The following MAGI1 variants were observed in gnomAD, a reference collection of about 807,000 sequenced individuals.
The protein encoded by MAGI1 is membrane-associated guanylate kinase, WW and PDZ domain-containing protein 1.
A neutral mutation model predicts 139.9 loss-of-function variants in MAGI1; 58 were observed. That is an observed-to-expected ratio of 0.41 (90% confidence interval 0.34 to 0.52). The LOEUF (loss-of-function observed/expected upper bound fraction) is 0.52, where lower values mean the gene tolerates loss of function less well. Ranked by LOEUF, MAGI1 falls within the 20% of genes least tolerant of loss-of-function variation. The probability of loss-of-function intolerance (pLI) is 0.12; values close to 1 mark genes in which losing one functional copy is unlikely to be tolerated. For missense variants in MAGI1, 1,874 were observed against 1,901.6 expected (o/e 0.99, Z 0.27); for synonymous variants, 812 against 737.9 (o/e 1.10, Z -1.63).
intron 1 of MAGI1, among the ~76,000 whole-genome samples, chr3:65,772,594 C>T (rs1311596240): frequency 1.3e-5 from 2 of 152,228 alleles, no homozygotes; most frequent in African/African-American, 4.8e-5. Context: ...GGAGCTGCCA[C>T]ATGGAGAACA....
In MAGI1 at chr3:65,788,460, A is replaced by G. The variant is rs568800131; in HGVS notation, c.314-166372T>C. Among the ~76,000 whole-genome samples, 18 of 152,242 alleles carry G rather than the reference A, an allele frequency of 1.2e-4. No homozygotes were observed. The South Asian group carries it at 1.9e-3, about 16-fold the overall frequency. ...ACCTACATTATGACCACTTTCCCCT[A>G]TGCATTTTAGATTATTCATTTCAAG... is the stretch of plus-strand genomic sequence containing the variant. On this transcript the variant is annotated intron_variant, in intron 1 of 22. Coordinates refer to ENST00000402939, the MANE Select transcript of MAGI1 (RefSeq NM_001033057.2).
At chr3:65,364,115 G>A (rs1275944886) in intron 20 of MAGI1, among the ~76,000 whole-genome samples, 1 of 143,860 alleles carries the variant, frequency 7.0e-6, no homozygotes, top group Non-Finnish European at 1.5e-5. Flanking sequence ...GATTGCTTGA[G>A]CCCAGGAGTT....
intron 2 of MAGI1, chr3:65,549,307 T>G: frequency 2.0e-6 from 1 of 501,762 alleles, no homozygotes; most frequent in Non-Finnish European, 2.6e-6. Context: ...CTTTCCGTCT[T>G]CCCTCTTCCT....
At chr3:65,439,796 T>A in intron 9 of MAGI1, 83 bp downstream of exon 9, 4 of 1,595,648 alleles carry the variant, frequency 2.5e-6, no homozygotes, top group Non-Finnish European at 3.4e-6. Context: ...TCGAGGCCAG[T>A]TCTGACCACA....
At chr3:66,035,489 A>T (rs181822238) in intron 1 of MAGI1, among the ~76,000 whole-genome samples, 115 of 152,336 alleles carry the variant, frequency 7.5e-4, no homozygotes, top group Middle Eastern at 6.8e-3. Context: ...CATATTCTCA[A>T]CATGGAAGAG....
intron 1 of MAGI1, among the ~76,000 whole-genome samples, chr3:65,655,484 G>A (rs2085823693): frequency 6.6e-6 from 1 of 152,066 alleles, no homozygotes; most frequent in African/African-American, 2.4e-5. Flanking sequence ...TTCCACTGAT[G>A]GTACAATGGA....
intron 1 of MAGI1, among the ~76,000 whole-genome samples, chr3:65,924,262 A>G (rs1035340691): frequency 1.3e-5 from 2 of 152,208 alleles, no homozygotes; most frequent in African/African-American, 4.8e-5. Context: ...CCCTATTCAA[A>G]CCTGTCTTTC....
intron 1 of MAGI1, among the ~76,000 whole-genome samples, chr3:65,665,532 A>C (rs148054065): frequency 9.6e-4 from 147 of 152,364 alleles, no homozygotes; most frequent in Non-Finnish European, 1.8e-3. Flanking sequence ...TGAACATTAA[A>C]GTGTCATTAA....
intron 2 of MAGI1, chr3:65,498,948 A>C (rs1423540286): frequency 2.1e-6 from 2 of 949,122 alleles, no homozygotes; most frequent in Non-Finnish European, 2.5e-6. Context: ...TGCCTTCATT[A>C]CACTACATCC....
intron 2 of MAGI1, among the ~76,000 whole-genome samples, chr3:65,591,674 T>C (rs1266827023): frequency 6.6e-6 from 1 of 152,188 alleles, no homozygotes; most frequent in African/African-American, 2.4e-5. Flanking sequence ...TAATCTGTCA[T>C]TCTTCCTTAT....
At position 65,644,825 on chromosome 3, in the gene MAGI1, T is replaced by C. The variant is rs189501517; in HGVS notation, c.314-22737A>G. The stretch of plus-strand genomic sequence containing the variant: ...CAGCCTGGCCAACTTGGCAAAACTC[T>C]ATCTCTACCATAAATACAAAAATTA... On this transcript the variant is annotated intron_variant, in intron 1 of 22. Coordinates refer to ENST00000402939, the MANE Select transcript of MAGI1 (RefSeq NM_001033057.2). Among the ~76,000 whole-genome samples, 588 of 151,986 alleles carry C rather than the reference T, an allele frequency of 3.9e-3. 6 individuals carry two copies. The highest frequency in any genetic ancestry group is 0.014 in the African/African-American group (565 of 41,482).
chr3:65,646,639 C>T (rs1310619396), intron 1 of MAGI1, among the ~76,000 whole-genome samples: 2 of 151,626 alleles, frequency 1.3e-5, no homozygotes, highest in Non-Finnish European at 2.9e-5. Flanking sequence ...CAAGATTGAC[C>T]GTGTTGTGTA....
intron 1 of MAGI1, among the ~76,000 whole-genome samples, chr3:65,634,831 A>G (rs1415128403): frequency 1.3e-5 from 2 of 152,190 alleles, no homozygotes; most frequent in Admixed American, 1.3e-4. Flanking sequence ...ATAAGTGACA[A>G]CTGCATCATG....
intron 1 of MAGI1, among the ~76,000 whole-genome samples, chr3:65,885,643 G>A (rs2060499898): frequency 1.3e-5 from 2 of 152,068 alleles, no homozygotes; most frequent in African/African-American, 4.8e-5. Flanking sequence ...CATGAGATCT[G>A]ACGGTTTTAT....
At chr3:65,475,849 C>T (rs1385317806) in intron 4 of MAGI1, among the ~76,000 whole-genome samples, 3 of 151,972 alleles carry the variant, frequency 2.0e-5, no homozygotes, top group East Asian at 1.9e-4. Context: ...ACAGTCCCAA[C>T]GTTACTTAGG....
chr3:65,422,205 C>A (rs1451987935), intron 12 of MAGI1, among the ~76,000 whole-genome samples: 2 of 152,268 alleles, frequency 1.3e-5, no homozygotes, highest in Middle Eastern at 3.4e-3. Flanking sequence ...GACAGATGGA[C>A]TGAGAAACTG....
intron 1 of MAGI1, among the ~76,000 whole-genome samples, chr3:65,750,242 C>G (rs2036034395): frequency 6.6e-6 from 1 of 152,118 alleles, no homozygotes; most frequent in South Asian, 2.1e-4. Context: ...AGGGCAGGAA[C>G]AGAAATCTGG....
chr3:65,687,199 A>T (rs1290644570), intron 1 of MAGI1: 1 of 168,708 alleles, frequency 5.9e-6, no homozygotes, highest in Non-Finnish European at 1.3e-5. Flanking sequence ...GTTTAAGACC[A>T]GCCTGAATAA....
At chr3:65,940,722 AACT>A (rs1310026351) in intron 1 of MAGI1, among the ~76,000 whole-genome samples, 2 of 152,210 alleles carry the variant, frequency 1.3e-5, no homozygotes, top group African/African-American at 2.4e-5. Flanking sequence ...AATTTTATGG[AACT>A]ACTACAAGGA....
Sources: allele counts gnomAD v4.1 joint callset (sites outside exome capture counted in the v4.1 genomes callset), GRCh38; gene constraint gnomAD v4.1.1; transcripts MANE v1.5; gene names NCBI Gene and HGNC (gene_info 2026-07-23, HGNC 2026-07-21).